HTR3E: variants seen among roughly 807,000 people sequenced by gnomAD.
HTR3E encodes 5-hydroxytryptamine receptor 3E.
A neutral mutation model predicts 38.0 loss-of-function variants in HTR3E; 38 were observed. The ratio of observed to expected loss-of-function variants is 1.00; its 90% CI spans 0.77 to 1.31. The LOEUF (loss-of-function observed/expected upper bound fraction) is 1.31, where lower values mean the gene tolerates loss of function less well. Among genes scored for constraint, HTR3E ranks in the 50% most tolerant of loss-of-function variants. HTR3E has a pLI of 0.00. For synonymous variants in HTR3E, 210 were observed against 232.9 expected, an observed-to-expected ratio of 0.90 and a Z score of 0.89; for missense variants, 547 against 585.2, an observed-to-expected ratio of 0.93 and a Z score of 0.67.
chr3:184,104,532 C>T (rs557306078), intron 4 of HTR3E: 2 of 507,250 alleles, frequency 3.9e-6, no homozygotes, highest in South Asian at 8.8e-5. Context: ...ATGGTGAAAC[C>T]TCATCTCTTA....
At chr3:184,100,327 T>C in intron 1 of HTR3E, 158 bp from the exon 2 acceptor site, 2 of 1,565,378 alleles carry the variant, frequency 1.3e-6, no homozygotes, top group South Asian at 2.3e-5. Context: ...GTAATCCATT[T>C]TTAAAGGGCT....
chr3:184,099,270 AC>A (rs545001860), intron 1 of HTR3E, among the ~76,000 whole-genome samples: 188 of 151,024 alleles, frequency 1.2e-3, no homozygotes, highest in African/African-American at 4.2e-3. Context: ...GTGGTGGGGA[AC>A]GCCTGTAGTC....
rs370278535 is a variant in HTR3E at position 184,106,420 on chromosome 3, A to G, written c.1142-44A>G. 1.0e-3 allele frequency: 1,603 copies of G among 1,555,038 alleles called. 6 individuals are homozygous for G. The highest frequency in any genetic ancestry group is 1.9e-3 in the South Asian group (153 of 82,702). ...TCCTTCCCTGTCTCCCTCCCTCCACAGGTGACATTTGCAGCCCATGGCTGA... is the reference window on the plus strand; with the variant it reads ...TCCTTCCCTGTCTCCCTCCCTCCACGGGTGACATTTGCAGCCCATGGCTGA... On this transcript the variant is annotated intron_variant, in intron 8 of 8. Transcript: ENST00000415389. This position sits in a 1 kb window ranked among gnomAD's most constrained non-coding sequence, Gnocchi z 4.1.
rs778468568 is a variant in HTR3E, at chr3:184,105,852, T to C, written c.808T>C (p.Tyr270His). The change falls in exon 7 of 9, where the codon TAC becomes CAC. Residue 270 changes from tyrosine (Y) to histidine (H), a missense_variant. Physicochemically the swap from Tyr to His is moderately conservative, Grantham distance 83. Coordinates refer to ENST00000415389, the MANE Select transcript of HTR3E (RefSeq NM_001256613.2). ...GGTTGCCATCGATGCCCTCAGCTTC[T>C]ACCTGCCAGTGAAAAGTGGGAATCG... is the stretch of plus-strand genomic sequence containing the variant. Reference protein sequence around the residue: ...FLVAIDALSFYLPVKSGNRVP... With the variant: ...FLVAIDALSFHLPVKSGNRVP... 6.2e-6 allele frequency: 10 copies of C among 1,614,160 alleles called. No homozygotes were observed. The South Asian group carries it at 1.1e-4, about 18-fold the overall frequency.
In HTR3E at chr3:184,104,782, T is replaced by C; in HGVS notation, c.390-5T>C. On this transcript the variant is annotated splice_region_variant and splice_polypyrimidine_tract_variant and intron_variant, in intron 4 of 8. Transcript: ENST00000415389. ...CACCTGCCTCTTGCGTTATCTCTCC[T>C]CCAGCATGGATGTGGATAAGACCCC... is the stretch of plus-strand genomic sequence containing the variant. The C allele has an allele frequency of 6.5e-7, 1 of 1,542,426 alleles. No individual in the cohort carries two copies. Among genetic ancestry groups the C allele is most frequent in the Non-Finnish European group, 8.9e-7 (1 of 1,129,886 alleles).
At chr3:184,105,157 G>A in intron 5 of HTR3E, 110 bp from the exon 6 acceptor site, 1 of 1,302,836 alleles carries the variant, frequency 7.7e-7, no homozygotes, top group Non-Finnish European at 1.0e-6. Flanking sequence ...TTCCTGGCAT[G>A]TGGGAGGCAC....
At chr3:184,099,020 G>T (rs935416778) in intron 1 of HTR3E, among the ~76,000 whole-genome samples, 10 of 151,848 alleles carry the variant, frequency 6.6e-5, no homozygotes, top group African/African-American at 2.4e-4. Flanking sequence ...TCCAGCCTGG[G>T]TGACAGAGTG....
Position 184,100,625 on chromosome 3 carries a change from T to C in HTR3E, c.208T>C (p.Phe70Leu). The change falls in exon 2 of 9, where the codon TTC becomes CTC. Residue 70 changes from phenylalanine to leucine, a missense_variant. Transcript: ENST00000415389. ...ISVPTQVNISFAMSAILDVNE... is the reference protein window; with the variant it reads ...ISVPTQVNISLAMSAILDVNE... ...CGTCCCCACCCAAGTCAACATCTCC[T>C]TCGCGATGTCTGCCATCCTAGATGT... The C allele has an allele frequency of 6.2e-7, 1 of 1,614,030 alleles. No individual in the cohort carries two copies. The highest frequency in any genetic ancestry group is 8.5e-7 in the Non-Finnish European group (1 of 1,179,948).
chr3:184,106,458 C>G lies in HTR3E; in HGVS notation c.1142-6C>G, dbSNP rs1466401247. On this transcript the variant is annotated splice_polypyrimidine_tract_variant and splice_region_variant and intron_variant, in intron 8 of 8. Coordinates refer to ENST00000415389, the MANE Select transcript of HTR3E (RefSeq NM_001256613.2). This position sits in a 1 kb window ranked among gnomAD's most constrained non-coding sequence, Gnocchi z 4.1. ...AGCCCATGGCTGAGTCTCTGTCTTT[C>G]TGTAGGTGTGAAGGAGCCAGAGGTA... The G allele has an allele frequency of 6.3e-7, 1 of 1,578,642 alleles. No individual in the cohort carries two copies. Among genetic ancestry groups the G allele is most frequent in the Admixed American group, 1.8e-5 (1 of 55,618 alleles).
intron 3 of HTR3E, among the ~76,000 whole-genome samples, chr3:184,102,852 G>T (rs975878074): frequency 1.7e-4 from 25 of 150,592 alleles, no homozygotes; most frequent in African/African-American, 5.9e-4. Context: ...TTGAGCCAGG[G>T]AGACAGAGGT....
chr3:184,105,995 G>T (rs1279304232), intron 7 of HTR3E, 26 bp downstream of exon 7: 1 of 1,612,888 alleles, frequency 6.2e-7, no homozygotes, highest in Non-Finnish European at 8.5e-7. Flanking sequence ...CCTTTTGGAA[G>T]AGAAGGGTGG....
Position 184,106,185 on chromosome 3 carries a change from T to C in HTR3E, c.983T>C (p.Phe328Ser). The C allele has an allele frequency of 6.2e-7, 1 of 1,612,768 alleles. No homozygotes were observed. Among genetic ancestry groups the C allele is most frequent in the Non-Finnish European group, 8.5e-7 (1 of 1,179,960 alleles). ...GTGGGCAGCCTGCTGGAGACCATCTTCATCACCCACCTGCTGCACGTGGCC... is the reference window on the plus strand; with the variant it reads ...GTGGGCAGCCTGCTGGAGACCATCTCCATCACCCACCTGCTGCACGTGGCC... ...LMVGSLLETI[F>S]ITHLLHVATT... Residue 328 changes from phenylalanine to serine, a missense_variant, in exon 8 of 9, where the codon TTC (phenylalanine) becomes TCC (serine). Coordinates refer to ENST00000415389, the MANE Select transcript of HTR3E (RefSeq NM_001256613.2). This position sits in a 1 kb window ranked among gnomAD's most constrained non-coding sequence, Gnocchi z 4.1.
At position 184,104,778 on chromosome 3, in the gene HTR3E, C is replaced by T. The variant is rs374695781; in HGVS notation, c.390-9C>T. 3 of 1,584,978 alleles carry T rather than the reference C, an allele frequency of 1.9e-6. No homozygotes were observed. On this transcript the variant is annotated splice_polypyrimidine_tract_variant and intron_variant, in intron 4 of 8. Coordinates refer to ENST00000415389, the MANE Select transcript of HTR3E (RefSeq NM_001256613.2). Reference sequence around the variant, plus strand: ...GCAGCACCTGCCTCTTGCGTTATCTCTCCTCCAGCATGGATGTGGATAAGA... The same window carrying T: ...GCAGCACCTGCCTCTTGCGTTATCTTTCCTCCAGCATGGATGTGGATAAGA...
chr3:184,097,672 C>A, intron 1 of HTR3E, 76 bp downstream of exon 1: 1 of 1,083,414 alleles, frequency 9.2e-7, no homozygotes. Flanking sequence ...GAACTTTTTT[C>A]AAATTTCCAA....
intron 3 of HTR3E, among the ~76,000 whole-genome samples, chr3:184,102,924 C>CA (rs58155446): frequency 0.018 from 2,237 of 123,158 alleles, 44 homozygotes; most frequent in African/African-American, 0.063. Flanking sequence ...GACTGCATCT[C>CA]AAAAAAAAAA....
At position 184,100,546 on chromosome 3, in the gene HTR3E, T is replaced by C. The variant is rs772593272; in HGVS notation, c.129T>C (p.Thr43=). 15 of 1,614,160 alleles carry C rather than the reference T, an allele frequency of 9.3e-6. No homozygotes were observed. Among genetic ancestry groups the C allele is most frequent in the Middle Eastern group, 3.3e-4 (2 of 6,062 alleles). Residue 43 remains threonine (T), a synonymous_variant, in exon 2 of 9, where the codon ACT becomes ACC. Coordinates refer to ENST00000415389, the MANE Select transcript of HTR3E (RefSeq NM_001256613.2). ...TTGGCCAGCACGGGGCGGATCCCACTGCTCTGAATTCAGTGTTTAATAGAA... is the reference window on the plus strand; with the variant it reads ...TTGGCCAGCACGGGGCGGATCCCACCGCTCTGAATTCAGTGTTTAATAGAA... ...SGFGQHGADP[T]ALNSVFNRKP...
rs775513775 is a variant in HTR3E at position 184,104,227 on chromosome 3, G to T, written c.325G>T (p.Gly109Cys). ...CAGCTGGAACCCAGAGGAATGTGAGGGCATCACGAAGATGAGTATGGCAGC... is the reference window on the plus strand; with the variant it reads ...CAGCTGGAACCCAGAGGAATGTGAGTGCATCACGAAGATGAGTATGGCAGC... ...FISWNPEECE[G>C]ITKMSMAAKN... The change falls in exon 4 of 9, where the codon GGC becomes TGC. Residue 109 changes from glycine (G) to cysteine (C), a missense_variant. Physicochemically the swap from Gly to Cys is radical, Grantham distance 159 (BLOSUM62 -3). Coordinates refer to ENST00000415389, the MANE Select transcript of HTR3E (RefSeq NM_001256613.2). The T allele has an allele frequency of 2.5e-6, 4 of 1,612,784 alleles. No individual in the cohort carries two copies. In the Admixed American group the frequency reaches 6.7e-5, roughly 27 times the overall value.
rs77482920 is a variant in HTR3E at position 184,100,766 on chromosome 3, G to T, written c.234+115G>T. 1,131 of 1,443,878 alleles carry T rather than the reference G, an allele frequency of 7.8e-4. 11 individuals carry two copies. The African/African-American group carries it at 0.014, about 18-fold the overall frequency. The allele number at this position is 1,443,878 out of a possible 1,614,324, so 89.4% of individuals were successfully genotyped here. A position where few individuals can be genotyped will look rare whatever the true frequency, so the allele number is the denominator to read the frequency against. ...TCTGCTTCCTCCACCACTGCTGGAT[G>T]GCATTTGCCTGGCATGGGGATCTCA... is the stretch of plus-strand genomic sequence containing the variant. On this transcript the variant is annotated intron_variant, in intron 2 of 8. Coordinates refer to ENST00000415389, the MANE Select transcript of HTR3E (RefSeq NM_001256613.2).
In HTR3E at chr3:184,100,555, T is replaced by C. The variant is rs377309241; in HGVS notation, c.138T>C (p.Asn46=). 1.7e-5 allele frequency: 28 copies of C among 1,613,962 alleles called. No homozygotes were observed. Among genetic ancestry groups the C allele is most frequent in the Non-Finnish European group, 1.7e-6 (2 of 1,180,014 alleles). ...ACGGGGCGGATCCCACTGCTCTGAA[T>C]TCAGTGTTTAATAGAAAGCCCTTCC... is the stretch of plus-strand genomic sequence containing the variant. The part of the protein sequence containing the change: ...GQHGADPTAL[N]SVFNRKPFRP... The change falls in exon 2 of 9, where the codon AAT becomes AAC. Residue 46 remains asparagine (N), a synonymous_variant. Coordinates refer to ENST00000415389, the MANE Select transcript of HTR3E (RefSeq NM_001256613.2).
Sources: allele counts gnomAD v4.1 joint callset (sites outside exome capture counted in the v4.1 genomes callset), GRCh38; gene constraint gnomAD v4.1.1; non-coding constraint Gnocchi (gnomAD v3.1); transcripts MANE v1.5; gene names NCBI Gene and HGNC (gene_info 2026-07-23, HGNC 2026-07-21).